RPP30: variants seen among roughly 807,000 people sequenced by gnomAD.
RPP30 encodes ribonuclease P protein subunit p30.
In RPP30, 36 loss-of-function variants were observed where a neutral mutation model predicts 38.6. That is an observed-to-expected ratio of 0.93 (90% CI 0.71 to 1.23). The LOEUF is 1.23. RPP30 is among the 50% of genes most tolerant of loss of function. The pLI, the probability that RPP30 is intolerant of heterozygous loss-of-function variation, is 0.00. For synonymous variants in RPP30, 126 were observed against 112.7 expected, an observed-to-expected ratio of 1.12 and a Z score of -0.75; for missense variants, 321 against 321.7, an observed-to-expected ratio of 1.00 and a Z score of 0.02.
intron 6 of RPP30, among the ~76,000 whole-genome samples, chr10:90,890,831 T>G (rs1287478468): frequency 4.1e-5 from 6 of 146,188 alleles, no homozygotes; most frequent in Admixed American, 6.8e-5. Context: ...AAAAAAAAGA[T>G]GAACAATACC....
chr10:90,882,687 G>C, intron 5 of RPP30, among the ~76,000 whole-genome samples: 1 of 151,968 alleles, frequency 6.6e-6, no homozygotes, highest in African/African-American at 2.4e-5. Flanking sequence ...ATGGAGGCTG[G>C]ATCCAGTGCC....
At chr10:90,893,860 G>T (rs568081490) in intron 6 of RPP30, among the ~76,000 whole-genome samples, 1 of 152,184 alleles carries the variant, frequency 6.6e-6, no homozygotes, top group African/African-American at 2.4e-5. Context: ...GCTTTTGCAC[G>T]TAGTGGGCTT....
In RPP30 at chr10:90,901,821, ATTTTTT is replaced by A; in HGVS notation, c.*1154_*1159del. 1 of 889,302 alleles carries A rather than the reference ATTTTTT, an allele frequency of 1.1e-6. No homozygotes were observed. Among genetic ancestry groups the A allele is most frequent in the Non-Finnish European group, 1.3e-6 (1 of 748,888 alleles). The allele number at this position is 889,302 out of a possible 1,614,324, so 55.1% of individuals were successfully genotyped here. On this transcript the variant is annotated 3_prime_UTR_variant, in exon 11 of 11. Transcript: ENST00000371703. ...TGTTCTGCGGGTTGGAGAAAATACA[ATTTTTT>A]TTTTTTTTTTTGAGACAGTCTCGCT...
intron 1 of RPP30, among the ~76,000 whole-genome samples, chr10:90,872,568 G>A (rs1846795163): frequency 6.6e-6 from 1 of 152,118 alleles, no homozygotes; most frequent in Admixed American, 6.5e-5. Context: ...ACACAGCGGA[G>A]TGGAGGTGGA....
In RPP30 at chr10:90,895,482, G is replaced by C; in HGVS notation, c.578G>C (p.Arg193Thr). Residue 193 changes from arginine to threonine, a missense_variant and splice_region_variant, in exon 8 of 11, where the codon AGG (arginine) becomes ACG (threonine). Transcript: ENST00000371703. ...KNVIISSAAERPLEIRGPYDV... is the reference protein window; with the variant it reads ...KNVIISSAAETPLEIRGPYDV... ...GTAATTATATCTAGTGCTGCAGAAA[G>C]GGTAAGTCTAGCATGAAGTACTTTG... 7.1e-7 allele frequency: 1 copy of C among 1,405,410 alleles called. No homozygotes were observed. The highest frequency in any genetic ancestry group is 1.7e-5 in the South Asian group (1 of 58,062). The allele number at this position is 1,405,410 out of a possible 1,614,324, so 87.1% of individuals were successfully genotyped here. A position where few individuals can be genotyped will look rare whatever the true frequency, so the allele number is the denominator to read the frequency against.
intron 6 of RPP30, among the ~76,000 whole-genome samples, chr10:90,892,943 C>T (rs1032320834): frequency 6.6e-6 from 1 of 152,194 alleles, no homozygotes; most frequent in Non-Finnish European, 1.5e-5. Context: ...GGCAGTCTAG[C>T]TCTCAAGAAG....
At chr10:90,896,512 C>A in intron 10 of RPP30, 120 bp downstream of exon 10, 1 of 689,868 alleles carries the variant, frequency 1.4e-6, no homozygotes, top group Non-Finnish European at 2.5e-6. Context: ...TTTTCTCAAC[C>A]TGTTCTAAAC....
Position 90,901,676 on chromosome 10 carries a change from AAGT to A in RPP30, c.*1000_*1002del. The A allele has an allele frequency of 1.0e-6, 1 of 985,072 alleles. No individual in the cohort carries two copies. The highest frequency in any genetic ancestry group is 1.2e-6 in the Non-Finnish European group (1 of 829,598). The allele number at this position is 985,072 out of a possible 1,614,324, so 61.0% of individuals were successfully genotyped here. A position where few individuals can be genotyped will look rare whatever the true frequency, so the allele number is the denominator to read the frequency against. ...TTTATAATGGGATCATGTTAAGTAG[AAGT>A]AGCTTTTTATGCAAATACATGCATT... On this transcript the variant is annotated 3_prime_UTR_variant, in exon 11 of 11. Transcript: ENST00000371703.
intron 1 of RPP30, among the ~76,000 whole-genome samples, chr10:90,874,064 C>G (rs528397036): frequency 1.3e-5 from 2 of 152,194 alleles, no homozygotes; most frequent in South Asian, 2.1e-4. Context: ...GTAATGGATG[C>G]TCAGTAAATA....
At chr10:90,905,263 G>A (rs1181691208), downstream of RPP30, 2 of 152,134 alleles carry the variant, frequency 1.3e-5, no homozygotes, top group Non-Finnish European at 2.9e-5. Context: ...CAGTGCTTCA[G>A]ATGTTGGGTA....
Position 90,876,034 on chromosome 10 carries a change from G to T in RPP30, c.206G>T (p.Arg69Ile). The T allele has an allele frequency of 6.5e-7, 1 of 1,536,258 alleles. No individual in the cohort carries two copies. The highest frequency in any genetic ancestry group is 1.1e-5 in the South Asian group (1 of 88,976). Reference sequence around the variant, plus strand: ...GTCTTTTTTAAATAGGGAAAATCAAGACCAATTAAAATTTTAACTAGATTA... The same window carrying T: ...GTCTTTTTTAAATAGGGAAAATCAATACCAATTAAAATTTTAACTAGATTA... ...TTLPIVQGKS[R>I]PIKILTRLTI... Residue 69 changes from arginine to isoleucine, a missense_variant, in exon 4 of 11, where the codon AGA becomes ATA. Physicochemically the swap from Arg to Ile is moderately conservative, Grantham distance 97. Coordinates refer to ENST00000371703, the MANE Select transcript of RPP30 (RefSeq NM_006413.5).
In RPP30 at chr10:90,881,960, T is replaced by C. The variant is rs115182531; in HGVS notation, c.342+2826T>C. Among the ~76,000 whole-genome samples, 518 of 152,236 alleles carry C rather than the reference T, an allele frequency of 3.4e-3. 4 individuals carry two copies. Among genetic ancestry groups the C allele is most frequent in the African/African-American group, 0.011 (472 of 41,520 alleles). On this transcript the variant is annotated intron_variant, in intron 5 of 10. Transcript: ENST00000371703. Reference sequence around the variant, plus strand: ...CATTTCCATGGGACATAATATACCATTATATTTTCTACTCAGAGTATCCGG... The same window carrying C: ...CATTTCCATGGGACATAATATACCACTATATTTTCTACTCAGAGTATCCGG...
downstream of RPP30, chr10:90,905,517 G>GT (rs1450190197): frequency 6.6e-6 from 1 of 152,150 alleles, no homozygotes. Flanking sequence ...GCCCTGTTCT[G>GT]TTTTTTCTCA....
chr10:90,901,422 T>G lies in RPP30; in HGVS notation c.*743T>G. ...TTTAAGCTTCTTTCATGTATTCAAA[T>G]CAGCATTTTTTTCTAAGAAATTGCT... On this transcript the variant is annotated 3_prime_UTR_variant, in exon 11 of 11. Coordinates refer to ENST00000371703, the MANE Select transcript of RPP30 (RefSeq NM_006413.5). 1.0e-6 allele frequency: 1 copy of G among 985,138 alleles called. No homozygotes were observed. The highest frequency in any genetic ancestry group is 1.2e-6 in the Non-Finnish European group (1 of 829,630). 61.0% of individuals were successfully genotyped at this position (985,138 alleles called of 1,614,324 possible). A position where few individuals can be genotyped will look rare whatever the true frequency, so the allele number is the denominator to read the frequency against.
downstream of RPP30, chr10:90,905,508 C>T (rs904537953): frequency 3.9e-5 from 6 of 152,200 alleles, no homozygotes; most frequent in Non-Finnish European, 5.9e-5. Flanking sequence ...GCCTCTTCTG[C>T]CCTGTTCTGT....
intron 5 of RPP30, among the ~76,000 whole-genome samples, chr10:90,882,136 G>C (rs1175785922): frequency 6.6e-6 from 1 of 152,086 alleles, no homozygotes; most frequent in East Asian, 1.9e-4. Flanking sequence ...GAAGCTTCTG[G>C]AGCTTCTGGA....
At chr10:90,878,236 T>C (rs552331110) in intron 4 of RPP30, among the ~76,000 whole-genome samples, 1 of 152,312 alleles carries the variant, frequency 6.6e-6, no homozygotes, top group African/African-American at 2.4e-5. Context: ...AGCACAAGTC[T>C]GCCTAGCAGG....
intron 4 of RPP30, among the ~76,000 whole-genome samples, 199 bp from the exon 5 acceptor site, chr10:90,878,864 A>C (rs1846886856): frequency 6.6e-6 from 1 of 152,234 alleles, no homozygotes; most frequent in Admixed American, 6.5e-5. Context: ...GGAAGGAAGG[A>C]GAATGATTGG....
intron 10 of RPP30, 148 bp from the exon 11 acceptor site, chr10:90,900,422 A>T (rs1847186685): frequency 7.1e-6 from 5 of 707,436 alleles, no homozygotes; most frequent in Non-Finnish European, 1.2e-5. Context: ...GGAAAAAAAG[A>T]TAATGACGGT....
Sources: gnomAD v4.1 joint callset for allele counts (sites outside exome capture counted in the v4.1 genomes callset) on GRCh38, gnomAD v4.1.1 for gene constraint, MANE v1.5 for transcripts, NCBI Gene and HGNC (gene_info 2026-07-23, HGNC 2026-07-21) for gene names.